Variants in CDYL observed in about 807,000 individuals in gnomAD.
The protein encoded by CDYL is chromodomain Y-like protein.
CDYL carries 8 observed loss-of-function variants against 47.3 expected under a neutral mutation model. The ratio of observed to expected loss-of-function variants is 0.17; its 90% confidence interval spans 0.10 to 0.31. The LOEUF (loss-of-function observed/expected upper bound fraction) is 0.31. Ranked by LOEUF, CDYL falls within the 10% of genes least tolerant of loss-of-function variation. The pLI is 1.00. For missense variants in CDYL, 471 were observed against 701.4 expected (o/e 0.67, Z 3.71); for synonymous variants, 266 against 265.0 (o/e 1.00, Z -0.04).
At chr6:4,723,347 T>C (rs1365903328) in intron 2 of CDYL, among the ~76,000 whole-genome samples, 1 of 152,012 alleles carries the variant, frequency 6.6e-6, no homozygotes, top group East Asian at 1.9e-4. Flanking sequence ...CCCCAACAGA[T>C]ACCAAGGATG....
intron 2 of CDYL, among the ~76,000 whole-genome samples, chr6:4,895,171 GTA>G (rs536933236): frequency 1.5e-4 from 3 of 20,002 alleles, no homozygotes; most frequent in South Asian, 0.059. Context: ...GTACATATGT[GTA>G]TGTATATATG....
intron 2 of CDYL, among the ~76,000 whole-genome samples, chr6:4,914,336 G>A (rs1477613371): frequency 2.0e-5 from 3 of 151,980 alleles, no homozygotes; most frequent in Non-Finnish European, 4.4e-5. Context: ...TCATGGGGGT[G>A]GCACGTCCTC....
At chr6:4,867,706 C>G (rs1761359032) in intron 1 of CDYL, among the ~76,000 whole-genome samples, 3 of 150,242 alleles carry the variant, frequency 2.0e-5, no homozygotes, top group South Asian at 4.2e-4. Context: ...TTATCTGTTG[C>G]TGAATTTGGT....
intron 2 of CDYL, among the ~76,000 whole-genome samples, chr6:4,725,492 G>A (rs1757493321): frequency 6.6e-6 from 1 of 152,240 alleles, no homozygotes; most frequent in Admixed American, 6.5e-5. Flanking sequence ...GGCCTGGGGA[G>A]GCAGCTAAGG....
chr6:4,895,562 T>C (rs1437392861), intron 2 of CDYL, among the ~76,000 whole-genome samples: 2 of 151,728 alleles, frequency 1.3e-5, no homozygotes, highest in African/African-American at 2.4e-5. Flanking sequence ...TGTGTATATA[T>C]ATACACACAT....
intron 3 of CDYL, among the ~76,000 whole-genome samples, chr6:4,751,251 A>G (rs1016163394): frequency 6.6e-6 from 1 of 152,172 alleles, no homozygotes; most frequent in South Asian, 2.1e-4. Context: ...TATACTTGCT[A>G]TACAAACTGT....
intron 2 of CDYL, among the ~76,000 whole-genome samples, 178 bp from the exon 3 acceptor site, chr6:4,935,337 A>G (rs572065453): frequency 6.6e-6 from 1 of 152,346 alleles, no homozygotes; most frequent in African/African-American, 2.4e-5. Context: ...AGAGCTTGAA[A>G]GAGAGCAAGT....
At chr6:4,887,374 C>T (rs1174708340) in intron 1 of CDYL, among the ~76,000 whole-genome samples, 1 of 152,086 alleles carries the variant, frequency 6.6e-6, no homozygotes, top group Non-Finnish European at 1.5e-5. Flanking sequence ...TTCAATAATG[C>T]TTTATAGTTT....
At chr6:4,943,787 A>AAG in intron 5 of CDYL, 31 bp downstream of exon 5, 1 of 1,410,856 alleles carries the variant, frequency 7.1e-7, no homozygotes, top group Non-Finnish European at 9.7e-7. Context: ...AAAAAAAAAA[A>AAG]GTCATTCTAG....
At position 4,894,900 on chromosome 6, in the gene CDYL, C is replaced by T. The variant is rs185186472; in HGVS notation, c.691+2521C>T. 8.1e-3 allele frequency among the ~76,000 whole-genome samples: 1,158 copies of T among 142,446 alleles called. 14 individuals are homozygous for T. Among genetic ancestry groups the T allele is most frequent in the African/African-American group, 0.031 (1,090 of 35,024 alleles). 93.5% of individuals were successfully genotyped at this position (142,446 alleles called of 152,430 possible). ...ATGTGTATGTGTGTGTATATATACA[C>T]ACGTACGTGTGTATATATACACATA... On this transcript the variant is annotated intron_variant, in intron 2 of 6. Transcript: ENST00000397588.
intron 2 of CDYL, among the ~76,000 whole-genome samples, chr6:4,920,746 G>T (rs1757688466): frequency 6.6e-6 from 1 of 152,178 alleles, no homozygotes; most frequent in East Asian, 1.9e-4. Flanking sequence ...CGCCTCTGGA[G>T]GTGGGATTAC....
intron 1 of CDYL, among the ~76,000 whole-genome samples, chr6:4,819,162 C>CTCTCTCTCTCTGTG (rs1016051589): frequency 3.6e-5 from 4 of 112,000 alleles, no homozygotes; most frequent in East Asian, 4.4e-4. Context: ...CTCTCTCTCT[C>CTCTCTCTCTCTGTG]TGTGTGTGTG....
intron 2 of CDYL, among the ~76,000 whole-genome samples, chr6:4,902,824 T>G (rs1031760676): frequency 2.0e-5 from 3 of 152,192 alleles, no homozygotes; most frequent in Non-Finnish European, 4.4e-5. Context: ...ATTGGATGGA[T>G]GGGAGCCGAT....
intron 3 of CDYL, among the ~76,000 whole-genome samples, chr6:4,742,139 A>C (rs143129087): frequency 6.6e-6 from 1 of 152,284 alleles, no homozygotes; most frequent in East Asian, 1.9e-4. Flanking sequence ...AGATCACTGG[A>C]GCCCAGGAAT....
At chr6:4,900,779 G>GTGTGTGTGTCTATATATATA in intron 2 of CDYL, among the ~76,000 whole-genome samples, 1 of 51,706 alleles carries the variant, frequency 1.9e-5, no homozygotes, top group African/African-American at 6.3e-5. Flanking sequence ...GTATACGTGT[G>GTGTGTGTGTCTATATATATA]TATATATATA....
intron 2 of CDYL, among the ~76,000 whole-genome samples, chr6:4,934,222 G>C (rs1239465381): frequency 3.3e-5 from 5 of 152,038 alleles, no homozygotes; most frequent in Non-Finnish European, 5.9e-5. Context: ...GAGGGCAGGG[G>C]GATCCTGTGT....
intron 2 of CDYL, among the ~76,000 whole-genome samples, chr6:4,732,598 G>A (rs979457702): frequency 6.7e-6 from 1 of 148,174 alleles, no homozygotes; most frequent in East Asian, 2.1e-4. Context: ...GGAGGTTGAG[G>A]CAGCAAATGA....
At position 4,779,323 on chromosome 6, in the gene CDYL, G is replaced by GATAT. The variant is rs564288945; in HGVS notation, c.24+2519_24+2522dup. Among the ~76,000 whole-genome samples, 88 of 152,260 alleles carry GATAT rather than the reference G, an allele frequency of 5.8e-4. 1 individual carries two copies. Among genetic ancestry groups the GATAT allele is most frequent in the Admixed American group, 5.2e-3 (79 of 15,290 alleles). ...GCCTCAGGCTCCACAAATCTAGAGG[G>GATAT]ATATATTGACAGGAGGAAATGTGAA... On this transcript the variant is annotated intron_variant, in intron 1 of 6. Transcript: ENST00000397588.
rs918278241 is a variant in CDYL, at chr6:4,736,023, T to C, written c.186+1179T>C. On this transcript the variant is annotated intron_variant, in intron 3 of 8. Coordinates refer to the CDYL transcript ENST00000328908. ...CTCTCCAGTAGCTCTTTAGAACTTG[T>C]ATAAGGGAAATGTTGTACCCTTTGA... Among the ~76,000 whole-genome samples, 3 of 152,258 alleles carry C rather than the reference T, an allele frequency of 2.0e-5. No individual in the cohort carries two copies. The East Asian group carries it at 5.8e-4, about 30-fold the overall frequency.
Sources: gnomAD v4.1 joint callset for allele counts (sites outside exome capture counted in the v4.1 genomes callset) on GRCh38, gnomAD v4.1.1 for gene constraint, MANE v1.5 for transcripts, NCBI Gene and HGNC (gene_info 2026-07-23, HGNC 2026-07-21) for gene names.